CD2AP: variants seen among roughly 807,000 people sequenced by gnomAD.
CD2AP encodes the protein CD2 associated protein, also known as CD2-associated protein.
CD2AP carries 46 observed loss-of-function variants against 85.1 expected under a neutral mutation model. The observed-to-expected ratio is 0.54, with a 90% CI of 0.43 to 0.69. The LOEUF is 0.69. CD2AP is among the 30% of genes least tolerant of loss of function. CD2AP has a pLI of 0.00. For synonymous variants in CD2AP, 255 were observed against 252.9 expected, an observed-to-expected ratio of 1.01 and a Z score of -0.08; for missense variants, 769 against 729.5, an observed-to-expected ratio of 1.05 and a Z score of -0.62.
At chr6:47,499,645 T>A (rs897027671) in intron 1 of CD2AP, among the ~76,000 whole-genome samples, 29 of 152,306 alleles carry the variant, frequency 1.9e-4, no homozygotes, top group Admixed American at 6.5e-4. Context: ...TCTTTCATGA[T>A]CAACTATTGT....
intron 11 of CD2AP, among the ~76,000 whole-genome samples, chr6:47,584,125 T>C (rs9349415): frequency 0.27 from 40,887 of 152,124 alleles, 5,687 homozygotes; most frequent in African/African-American, 0.33. Context: ...TTTCTTTCTT[T>C]GTATATTTTG....
intron 2 of CD2AP, among the ~76,000 whole-genome samples, chr6:47,518,463 A>G (rs1277982127): frequency 6.6e-6 from 1 of 152,322 alleles, no homozygotes. Context: ...ATAATTAATA[A>G]TGATTGGCTT....
chr6:47,527,154 T>G (rs1480372667), intron 2 of CD2AP, among the ~76,000 whole-genome samples: 2 of 152,108 alleles, frequency 1.3e-5, no homozygotes, highest in South Asian at 2.1e-4. Flanking sequence ...AAAGAAAAGT[T>G]TTTTTGAACA....
In CD2AP at chr6:47,624,693, G is replaced by GTGTGTGTGTGTGTGTGTT; in HGVS notation, c.*483_*484insTTGTGTGTGTGTGTGTGT. The GTGTGTGTGTGTGTGTGTT allele has an allele frequency of 7.5e-6, 1 of 134,078 alleles. No individual in the cohort carries two copies. The highest frequency in any genetic ancestry group is 1.7e-5 in the Non-Finnish European group (1 of 60,488). The allele number at this position is 134,078 out of a possible 1,614,324, so 8.3% of individuals were successfully genotyped here. On this transcript the variant is annotated 3_prime_UTR_variant, in exon 18 of 18. Transcript: ENST00000359314. ...GGATATAAACTCTGTGTGTGTGTGT[G>GTGTGTGTGTGTGTGTGTT]TGTGTGTGTGTGTGTGTGTGTGTGT... is the stretch of plus-strand genomic sequence containing the variant.
At chr6:47,564,898 C>A (rs1292491818) in intron 5 of CD2AP, among the ~76,000 whole-genome samples, 2 of 151,940 alleles carry the variant, frequency 1.3e-5, no homozygotes, top group South Asian at 4.2e-4. Context: ...ATGTCATATC[C>A]ACTATATTTG....
rs908087268 is a variant in CD2AP at position 47,533,685 on chromosome 6, A to G, written c.249A>G (p.Gln83=). The change falls in exon 3 of 18, where the codon CAA becomes CAG. Residue 83 remains glutamine (Q), a synonymous_variant. Transcript: ENST00000359314. ...ATGGGAATGTAGCAAGTCTTGTACAACGAATAAGCACCTATGGACTTCCAG... is the reference window on the plus strand; with the variant it reads ...ATGGGAATGTAGCAAGTCTTGTACAGCGAATAAGCACCTATGGACTTCCAG... ...ERHGNVASLV[Q]RISTYGLPAG... is the part of the protein sequence containing the mutation. 9 of 1,614,156 alleles carry G rather than the reference A, an allele frequency of 5.6e-6. No homozygotes were observed. The highest frequency in any genetic ancestry group is 1.7e-5 in the Admixed American group (1 of 60,026).
intron 11 of CD2AP, among the ~76,000 whole-genome samples, chr6:47,584,190 G>C (rs975871370): frequency 6.6e-6 from 1 of 151,934 alleles, no homozygotes; most frequent in African/African-American, 2.4e-5. Flanking sequence ...AGTCTGACTT[G>C]TTTTCTTCAC....
intron 11 of CD2AP, among the ~76,000 whole-genome samples, chr6:47,593,178 A>G (rs920088364): frequency 7.9e-5 from 12 of 152,286 alleles, no homozygotes; most frequent in African/African-American, 2.6e-4. Flanking sequence ...TTATGAATCT[A>G]GAGAAAAGTA....
At chr6:47,490,231 A>G (rs114532648) in intron 1 of CD2AP, among the ~76,000 whole-genome samples, 1 of 152,058 alleles carries the variant, frequency 6.6e-6, no homozygotes, top group African/African-American at 2.4e-5. Flanking sequence ...CAGTCCTCTT[A>G]CCTGGGCCTC....
At chr6:47,502,453 G>T (rs1766019456) in intron 1 of CD2AP, among the ~76,000 whole-genome samples, 1 of 151,712 alleles carries the variant, frequency 6.6e-6, no homozygotes, top group South Asian at 2.1e-4. Flanking sequence ...TGTAGAGACG[G>T]GGTTTTGTTG....
At chr6:47,612,824 A>T (rs952091013) in intron 17 of CD2AP, among the ~76,000 whole-genome samples, 3 of 152,044 alleles carry the variant, frequency 2.0e-5, no homozygotes, top group Non-Finnish European at 4.4e-5. Flanking sequence ...ACTCATAGAG[A>T]TAGAGAACAG....
chr6:47,479,353 C>G (rs1356105201), intron 1 of CD2AP, among the ~76,000 whole-genome samples: 25 of 152,178 alleles, frequency 1.6e-4, no homozygotes, highest in Non-Finnish European at 2.9e-5. Context: ...GCTGATGTGG[C>G]ACCCTCTGTC....
rs939702161 is a variant in CD2AP at position 47,625,318 on chromosome 6, C to T, written c.*1091C>T. On this transcript the variant is annotated 3_prime_UTR_variant, in exon 18 of 18. Coordinates refer to ENST00000359314, the MANE Select transcript of CD2AP (RefSeq NM_012120.3). ...ATTTACCTAATAGACCAAACTAACTCATGGAGATATTTTGAACTATTATTT... is the reference window on the plus strand; with the variant it reads ...ATTTACCTAATAGACCAAACTAACTTATGGAGATATTTTGAACTATTATTT... 1.3e-5 allele frequency: 2 copies of T among 151,852 alleles called. No homozygotes were observed. The highest frequency in any genetic ancestry group is 2.9e-5 in the Non-Finnish European group (2 of 67,810). 9.4% of individuals were successfully genotyped at this position (151,852 alleles called of 1,614,324 possible).
intron 2 of CD2AP, among the ~76,000 whole-genome samples, chr6:47,508,521 ACTTT>A (rs1766234349): frequency 1.4e-5 from 2 of 146,958 alleles, no homozygotes; most frequent in South Asian, 2.1e-4. Flanking sequence ...AATGACTCAA[ACTTT>A]CTTTCTTTCT....
At chr6:47,486,250 A>G (rs1765561294) in intron 1 of CD2AP, among the ~76,000 whole-genome samples, 1 of 152,140 alleles carries the variant, frequency 6.6e-6, no homozygotes, top group African/African-American at 2.4e-5. Flanking sequence ...ATATTATTAG[A>G]ATCACATTTT....
At chr6:47,529,226 C>G (rs550378809) in intron 2 of CD2AP, among the ~76,000 whole-genome samples, 1 of 121,392 alleles carries the variant, frequency 8.2e-6, no homozygotes, top group East Asian at 2.9e-4. Context: ...GGCAGCATCT[C>G]ATCTTCTGTT....
At chr6:47,608,144 A>G in intron 15 of CD2AP, 116 bp downstream of exon 15, 1 of 754,664 alleles carries the variant, frequency 1.3e-6, no homozygotes, top group Non-Finnish European at 2.3e-6. Flanking sequence ...AAGAAATGAA[A>G]TAATTGCTGC....
intron 2 of CD2AP, among the ~76,000 whole-genome samples, chr6:47,527,025 A>T (rs1766747899): frequency 1.3e-5 from 2 of 152,082 alleles, no homozygotes; most frequent in Admixed American, 1.3e-4. Flanking sequence ...ACAGGGAAAT[A>T]TTTGTGTATC....
intron 17 of CD2AP, among the ~76,000 whole-genome samples, chr6:47,616,355 G>A (rs13208188): frequency 0.61 from 91,574 of 150,692 alleles, 28,487 homozygotes; most frequent in Middle Eastern, 0.76. Flanking sequence ...TGACCCTCCA[G>A]AGTACTGGGA....
Sources: allele counts gnomAD v4.1 joint callset (sites outside exome capture counted in the v4.1 genomes callset), GRCh38; gene constraint gnomAD v4.1.1; transcripts MANE v1.5; gene names NCBI Gene and HGNC (gene_info 2026-07-23, HGNC 2026-07-21).